The following EDA variants were observed in gnomAD, a reference collection of about 807,000 sequenced individuals.
EDA encodes ectodysplasin-A.
In EDA, 2 loss-of-function variants were observed where a neutral mutation model predicts 23.6. The observed-to-expected ratio is 0.08, with a 90% CI of 0.03 to 0.27. The LOEUF is 0.27. Ranked by LOEUF, EDA falls within the 10% of genes least tolerant of loss-of-function variation. EDA has a pLI of 1.00. For missense variants in EDA, 229 were observed against 324.2 expected, an observed-to-expected ratio of 0.71 and a Z score of 2.26; for synonymous variants, 131 against 132.0, an observed-to-expected ratio of 0.99 and a Z score of 0.05.
intron 1 of EDA, among the ~76,000 whole-genome samples, chrX:69,655,535 A>T (rs199795665): frequency 4.8e-5 from 1 of 20,911 alleles, no homozygotes; most frequent in African/African-American, 5.1e-4. Context: ...AGATTACTCA[A>T]GTCAAACTAG....
At chrX:69,827,070 T>C (rs368878292) in intron 1 of EDA, among the ~76,000 whole-genome samples, 1 of 112,095 alleles carries the variant, frequency 8.9e-6, no homozygotes, top group African/African-American at 3.2e-5. Flanking sequence ...GAGAGATCCG[T>C]TGTTAGTCTG....
Position 69,655,762 on chromosome X carries a change from C to CTATATATATA in EDA, c.396+39074_396+39083dup, listed in dbSNP as rs3077261. On this transcript the variant is annotated intron_variant, in intron 1 of 7. Coordinates refer to ENST00000374552, the MANE Select transcript of EDA (RefSeq NM_001399.5). ...CCACTATTATTTACATCATTAGAAT[C>CTATATATATA]TATATATATATATATATATATATAT... is the stretch of plus-strand genomic sequence containing the variant. Among the ~76,000 whole-genome samples the CTATATATATA allele has an allele frequency of 3.9e-3, 207 of 52,461 alleles. 17 individuals carry two copies. The highest frequency in any genetic ancestry group is 0.028 in the East Asian group (14 of 509). The allele number at this position is 52,461 out of a possible 115,157, so 45.6% of individuals were successfully genotyped here.
intron 1 of EDA, among the ~76,000 whole-genome samples, chrX:69,733,246 A>C (rs1458851810): frequency 1.2e-4 from 14 of 112,203 alleles, no homozygotes; most frequent in Non-Finnish European, 2.6e-4. Context: ...CTAACATTTA[A>C]GTCTTTAATC....
intron 2 of EDA, among the ~76,000 whole-genome samples, chrX:70,020,965 C>T (rs1257421548): frequency 1.8e-5 from 2 of 111,926 alleles, no homozygotes; most frequent in Non-Finnish European, 3.8e-5. Flanking sequence ...TATGTATATA[C>T]GTATGTATGC....
chrX:69,649,312 T>A (rs1335186034), intron 1 of EDA, among the ~76,000 whole-genome samples: 2 of 112,126 alleles, frequency 1.8e-5, no homozygotes, highest in Non-Finnish European at 3.8e-5. Flanking sequence ...ATGTGAAGCA[T>A]CTAAATGATA....
At chrX:69,994,478 G>A (rs756347511) in intron 2 of EDA, among the ~76,000 whole-genome samples, 6 of 111,826 alleles carry the variant, frequency 5.4e-5, no homozygotes, top group Non-Finnish European at 7.5e-5. Flanking sequence ...AATCACCTAG[G>A]ACTTGCTTTG....
At position 69,917,305 on chromosome X, in the gene EDA, A is replaced by G. The variant is rs189081353; in HGVS notation, c.397-39722A>G. ...AAACTTGAAAACCCAAATAAATATC[A>G]TCCATTGGTTTCCCATTGACCATAT... On this transcript the variant is annotated intron_variant, in intron 1 of 7. Transcript: ENST00000374552. Among the ~76,000 whole-genome samples, 418 of 111,802 alleles carry G rather than the reference A, an allele frequency of 3.7e-3. 3 individuals are homozygous for G. The highest frequency in any genetic ancestry group is 0.013 in the African/African-American group (390 of 30,827).
intron 1 of EDA, among the ~76,000 whole-genome samples, chrX:69,695,188 T>C (rs1034667187): frequency 3.6e-5 from 4 of 109,972 alleles, no homozygotes; most frequent in African/African-American, 1.3e-4. Context: ...AGTGTGGTGG[T>C]GTGTGCCTGT....
At chrX:69,916,983 TG>T (rs1404784148) in intron 1 of EDA, among the ~76,000 whole-genome samples, 1 of 110,858 alleles carries the variant, frequency 9.0e-6, no homozygotes. Flanking sequence ...TCACCCAGGC[TG>T]GAGTATAATG....
intron 1 of EDA, chrX:69,620,524 TC>T (rs948573274): frequency 3.4e-5 from 5 of 146,802 alleles, no homozygotes; most frequent in African/African-American, 1.6e-4. Context: ...AATGAATAAA[TC>T]CAAGGATTTT....
chrX:69,902,178 T>C (rs1319869673), intron 1 of EDA, among the ~76,000 whole-genome samples: 1 of 32,015 alleles, frequency 3.1e-5, no homozygotes, highest in Admixed American at 2.1e-4. Flanking sequence ...ATGCATGAAT[T>C]GTCCGTTTGG....
intron 1 of EDA, among the ~76,000 whole-genome samples, chrX:69,644,128 T>C (rs1932875441): frequency 9.0e-6 from 1 of 111,027 alleles, no homozygotes; most frequent in Non-Finnish European, 1.9e-5. Context: ...GTTTTTTTTT[T>C]CTAATTTTGT....
At chrX:69,978,795 C>T (rs1031620576) in intron 2 of EDA, among the ~76,000 whole-genome samples, 2 of 111,766 alleles carry the variant, frequency 1.8e-5, no homozygotes, top group African/African-American at 3.2e-5. Context: ...GATTCATACA[C>T]TACGTGGTAT....
At chrX:69,684,055 A>G (rs904259372) in intron 1 of EDA, among the ~76,000 whole-genome samples, 1 of 112,489 alleles carries the variant, frequency 8.9e-6, no homozygotes, top group Non-Finnish European at 1.9e-5. Context: ...ACTCAGATGA[A>G]AAAAGGCTTT....
At chrX:69,631,152 G>C (rs1270522291) in intron 1 of EDA, among the ~76,000 whole-genome samples, 3 of 110,605 alleles carry the variant, frequency 2.7e-5, no homozygotes, top group Non-Finnish European at 3.8e-5. Flanking sequence ...AGACTGAGGT[G>C]GGTGGATCAC....
In EDA at chrX:69,863,531, G is replaced by GTA. The variant is rs755887733; in HGVS notation, c.397-93483_397-93482dup. 6.7e-4 allele frequency among the ~76,000 whole-genome samples: 22 copies of GTA among 32,979 alleles called. No homozygotes were observed. In the South Asian group the frequency reaches 8.2e-3, roughly 12 times the overall value. The allele number at this position is 32,979 out of a possible 115,157, so 28.6% of individuals were successfully genotyped here. A position where few individuals can be genotyped will look rare whatever the true frequency, so the allele number is the denominator to read the frequency against. ...CATATATATGTATATATATGTGTGTGTATATATATATATACATATATGTAT... is the reference window on the plus strand; with the variant it reads ...CATATATATGTATATATATGTGTGTGTATATATATATATATACATATATGTAT... On this transcript the variant is annotated intron_variant, in intron 1 of 7. Transcript: ENST00000374552.
chrX:69,809,589 G>C (rs1244212722), intron 1 of EDA, among the ~76,000 whole-genome samples: 1 of 111,688 alleles, frequency 9.0e-6, no homozygotes, highest in African/African-American at 3.3e-5. Flanking sequence ...TAAATGTTAA[G>C]GTGAGGCATA....
At chrX:69,681,219 G>T (rs1199300937) in intron 1 of EDA, among the ~76,000 whole-genome samples, 2 of 110,821 alleles carry the variant, frequency 1.8e-5, no homozygotes, top group African/African-American at 6.6e-5. Context: ...TTCCCTTTGA[G>T]GGTAACCCGA....
intron 1 of EDA, among the ~76,000 whole-genome samples, chrX:69,734,460 TCTC>T: frequency 8.9e-6 from 1 of 111,863 alleles, no homozygotes; most frequent in East Asian, 2.8e-4. Context: ...TTATTTCTTT[TCTC>T]CTCCTTGCTT....
Sources: allele counts gnomAD v4.1 joint callset (sites outside exome capture counted in the v4.1 genomes callset), GRCh38; gene constraint gnomAD v4.1.1; transcripts MANE v1.5; gene names NCBI Gene and HGNC (gene_info 2026-07-23, HGNC 2026-07-21).